The following PLEKHG5 variants were observed in gnomAD, a reference collection of about 807,000 sequenced individuals.
The protein encoded by PLEKHG5 is pleckstrin homology and RhoGEF domain containing G5.
Under a neutral mutation model 103.8 loss-of-function variants are expected in PLEKHG5, and 52 were observed. The observed-to-expected ratio is 0.50, with a 90% CI of 0.40 to 0.63. The LOEUF (loss-of-function observed/expected upper bound fraction) is 0.63. Among genes scored for constraint, PLEKHG5 ranks in the 30% least tolerant of loss-of-function variants. PLEKHG5 has a pLI of 0.00. For missense variants in PLEKHG5, 1,205 were observed against 1,347.6 expected (o/e 0.89, Z 1.66); for synonymous variants, 592 against 575.5 (o/e 1.03, Z -0.41).
rs1644639863 is a variant in PLEKHG5, at chr1:6,473,021, C to T, written c.949G>A (p.Glu317Lys). The T allele has an allele frequency of 1.2e-6, 2 of 1,614,072 alleles. No homozygotes were observed. Among genetic ancestry groups the T allele is most frequent in the Non-Finnish European group, 1.7e-6 (2 of 1,180,020 alleles). ...EDEDNACLRL[E>K]DSWRELIDGH... ...TCAATGAGCTCCCGCCAGCTGTCCT[C>T]CAGCCTCAGGCAGGCATTGTCCTCA... Residue 317 changes from glutamate (E) to lysine (K), a missense_variant, in exon 9 of 21, where the codon GAG (glutamate) becomes AAG (lysine). Coordinates refer to ENST00000377728, the MANE Select transcript of PLEKHG5 (RefSeq NM_020631.6).
In PLEKHG5 at chr1:6,471,797, G is replaced by C. The variant is rs768627872; in HGVS notation, c.1092C>G (p.Cys364Trp). 3.1e-6 allele frequency: 5 copies of C among 1,609,458 alleles called. No homozygotes were observed. Among genetic ancestry groups the C allele is most frequent in the Non-Finnish European group, 4.2e-6 (5 of 1,178,090 alleles). Reference sequence around the variant, plus strand: ...CTGACTCTTGCAGGTTCAGGAGGCAGCACAGGAACAGCTGTGGGATCAGGG... The same window carrying C: ...CTGACTCTTGCAGGTTCAGGAGGCACCACAGGAACAGCTGTGGGATCAGGG... ...KLRVIINLFL[C>W]CLLNLQESGL... The change falls in exon 11 of 21, where the codon TGC becomes TGG. Residue 364 changes from cysteine to tryptophan, a missense_variant. Coordinates refer to ENST00000377728, the MANE Select transcript of PLEKHG5 (RefSeq NM_020631.6).
intron 1 of PLEKHG5, among the ~76,000 whole-genome samples, chr1:6,482,534 C>T (rs1315938689): frequency 1.3e-5 from 2 of 152,104 alleles, no homozygotes; most frequent in African/African-American, 4.8e-5. Context: ...GGGGGCATTA[C>T]ATGTGTATCT....
chr1:6,471,506 G>A lies in PLEKHG5; in HGVS notation c.1263C>T (p.Phe421=), dbSNP rs535569581. The A allele has an allele frequency of 5.6e-6, 9 of 1,610,680 alleles. No homozygotes were observed. The East Asian group carries it at 1.1e-4, about 20-fold the overall frequency. ...CCCGTACCATCTTGAAGCCTTTGAG[G>A]AAGTCCCCGGGCTGTAGCAGCGCTC... ...RTRALLQPGD[F]LKGFKMFGSL... Residue 421 remains phenylalanine (F), a synonymous_variant, in exon 12 of 21, where the codon TTC becomes TTT. Coordinates refer to ENST00000377728, the MANE Select transcript of PLEKHG5 (RefSeq NM_020631.6).
intron 1 of PLEKHG5, chr1:6,485,266 C>A (rs1165272429): frequency 5.2e-6 from 6 of 1,159,774 alleles, no homozygotes; most frequent in Non-Finnish European, 6.7e-6. Flanking sequence ...CAGGACTGGG[C>A]GGCTGCAGGC....
intron 11 of PLEKHG5, 38 bp from the exon 12 acceptor site, chr1:6,471,675 C>T (rs1167157640): frequency 5.1e-6 from 8 of 1,570,124 alleles, no homozygotes; most frequent in African/African-American, 1.4e-5. Flanking sequence ...CACGCCCCTC[C>T]GCCAGGTTAG....
chr1:6,515,384 G>A (rs558656433), intron 1 of PLEKHG5, among the ~76,000 whole-genome samples: 4 of 152,264 alleles, frequency 2.6e-5, no homozygotes, highest in South Asian at 4.1e-4. Flanking sequence ...AAAATTAGCC[G>A]GGTGTGGTGG....
chr1:6,494,118 A>ATTT (rs36105555), upstream of PLEKHG5, among the ~76,000 whole-genome samples: 12 of 75,740 alleles, frequency 1.6e-4, no homozygotes, highest in African/African-American at 8.2e-4. Context: ...CACCTGGCTA[A>ATTT]TTTTTTTTTT....
In PLEKHG5 at chr1:6,487,060, C is replaced by T. The variant is rs183007667; in HGVS notation, c.-88+4577G>A. Among the ~76,000 whole-genome samples the T allele has an allele frequency of 4.5e-4, 68 of 152,192 alleles. No homozygotes were observed. Among genetic ancestry groups the T allele is most frequent in the African/African-American group, 1.5e-3 (63 of 41,508 alleles). On this transcript the variant is annotated intron_variant, in intron 1 of 20. Transcript: ENST00000377728. This position sits in a 1 kb window ranked among gnomAD's most constrained non-coding sequence, Gnocchi z 4.1. ...TGGGAGACTTCCAGGGCTGTCTCCA[C>T]TCCCAAAGCCCAGGTCACCCACTGT...
At position 6,488,432 on chromosome 1, in the gene PLEKHG5, G is replaced by A. The variant is rs939063367; in HGVS notation, c.-88+3205C>T. On this transcript the variant is annotated intron_variant, in intron 1 of 20. Coordinates refer to ENST00000377728, the MANE Select transcript of PLEKHG5 (RefSeq NM_020631.6). ...CTGGAGATTGCCTTCCTGAAGACAC[G>A]GCAGATCCCAAAGCCAGCTTGTGGG... Among the ~76,000 whole-genome samples, 13 of 152,314 alleles carry A rather than the reference G, an allele frequency of 8.5e-5. No homozygotes were observed. The East Asian group carries it at 2.1e-3, about 25-fold the overall frequency.
intron 1 of PLEKHG5, chr1:6,485,492 G>A (rs541180023): frequency 4.3e-5 from 53 of 1,241,574 alleles, no homozygotes; most frequent in East Asian, 1.6e-4. Flanking sequence ...ACAAAGCGCG[G>A]AGCCCCGCTT....
chr1:6,474,874 G>A (rs543506377), intron 5 of PLEKHG5, 173 bp downstream of exon 5: 44 of 724,808 alleles, frequency 6.1e-5, no homozygotes, highest in Non-Finnish European at 9.6e-5. Flanking sequence ...AGACCCCACC[G>A]CACTCCCTCA....
At chr1:6,481,400 G>A (rs145084014) in intron 1 of PLEKHG5, among the ~76,000 whole-genome samples, 13 of 151,662 alleles carry the variant, frequency 8.6e-5, no homozygotes, top group East Asian at 1.9e-4. Context: ...GCATGGTGGC[G>A]CATGCCTGTA....
chr1:6,506,550 G>A (rs1211303599), intron 1 of PLEKHG5, among the ~76,000 whole-genome samples: 4 of 152,330 alleles, frequency 2.6e-5, no homozygotes, highest in South Asian at 4.1e-4. Context: ...TGTGCTGCCC[G>A]AGGAGCAATT....
At chr1:6,482,402 C>G (rs1165543453) in intron 1 of PLEKHG5, among the ~76,000 whole-genome samples, 1 of 152,092 alleles carries the variant, frequency 6.6e-6, no homozygotes, top group African/African-American at 2.4e-5. Context: ...GGTGAAAGCC[C>G]GATGAGAGAT....
Position 6,476,006 on chromosome 1 carries a change from CG to C in PLEKHG5, c.73del (p.Arg25GlyfsTer33). 1.2e-6 allele frequency: 2 copies of C among 1,613,606 alleles called. No homozygotes were observed. Reference sequence around the variant, plus strand: ...GGGGCTGGTGCGCGGCGGGCATGACCGGGTGGACACGTTCCGGGCCAGCACA... The same window carrying C: ...GGGGCTGGTGCGCGGCGGGCATGACCGGTGGACACGTTCCGGGCCAGCACA... ...GSVLARNVST[R>X]SCPPRTSPAV... On this transcript the variant is annotated frameshift_variant, in exon 3 of 21. Coordinates refer to ENST00000377728, the MANE Select transcript of PLEKHG5 (RefSeq NM_020631.6). LOFTEE classifies it high-confidence loss of function.
rs2986742 is a variant in PLEKHG5, at chr1:6,490,316, T to C, written c.-88+1321A>G. On this transcript the variant is annotated intron_variant, in intron 1 of 20. Coordinates refer to ENST00000377728, the MANE Select transcript of PLEKHG5 (RefSeq NM_020631.6). This position sits in a 1 kb window ranked among gnomAD's most constrained non-coding sequence, Gnocchi z 8.0. ...ATGGAGATACAGCTGGTGAGGACCC[T>C]GTACCCACCCACAGGCCTGGCACTA... The C allele has an allele frequency of 0.18, 60,044 of 326,996 alleles. 12,674 individuals carry two copies. The highest frequency in any genetic ancestry group is 0.7 in the African/African-American group (30,633 of 43,918). 20.3% of individuals were successfully genotyped at this position (326,996 alleles called of 1,614,324 possible). A position where few individuals can be genotyped will look rare whatever the true frequency, so the allele number is the denominator to read the frequency against.
intron 1 of PLEKHG5, among the ~76,000 whole-genome samples, chr1:6,481,361 G>T (rs1020847095): frequency 1.3e-5 from 2 of 151,696 alleles, no homozygotes; most frequent in Non-Finnish European, 2.9e-5. Flanking sequence ...AAGAAACCCT[G>T]TCTCTACTAA....
chr1:6,485,553 G>A (rs1269340017), intron 1 of PLEKHG5: 7 of 1,111,462 alleles, frequency 6.3e-6, no homozygotes, highest in Non-Finnish European at 7.9e-6. Flanking sequence ...GGACCCCGGG[G>A]AGGGCCGGGC....
At position 6,469,027 on chromosome 1, in the gene PLEKHG5, C is replaced by T; in HGVS notation, c.2249+15G>A. Reference sequence around the variant, plus strand: ...GTCCTGGTTTGACCTGCTGGGTGGTCATGAGCAGACGTACCAGTGCTGAGA... The same window carrying T: ...GTCCTGGTTTGACCTGCTGGGTGGTTATGAGCAGACGTACCAGTGCTGAGA... On this transcript the variant is annotated intron_variant, in intron 19 of 20. Transcript: ENST00000377728. 6.2e-7 allele frequency: 1 copy of T among 1,610,020 alleles called. No homozygotes were observed. Among genetic ancestry groups the T allele is most frequent in the Non-Finnish European group, 8.5e-7 (1 of 1,176,670 alleles).
Sources: allele counts gnomAD v4.1 joint callset (sites outside exome capture counted in the v4.1 genomes callset), GRCh38; gene constraint gnomAD v4.1.1; non-coding constraint Gnocchi (gnomAD v3.1); transcripts MANE v1.5; gene names NCBI Gene and HGNC (gene_info 2026-07-23, HGNC 2026-07-21).